Variants in PRKCH observed in about 807,000 individuals in gnomAD.
PRKCH encodes protein kinase C eta.
In PRKCH, 28 loss-of-function variants were observed where a neutral mutation model predicts 82.5. That is an observed-to-expected ratio of 0.34 (90% CI 0.25 to 0.47). PRKCH has a LOEUF of 0.47. Ranked by LOEUF, PRKCH falls within the 20% of genes least tolerant of loss-of-function variation. The probability of loss-of-function intolerance (pLI) is 1.00; values close to 1 mark genes in which losing one functional copy is unlikely to be tolerated. For missense variants in PRKCH, 705 were observed against 881.8 expected, an observed-to-expected ratio of 0.80 and a Z score of 2.54; for synonymous variants, 322 against 327.4, an observed-to-expected ratio of 0.98 and a Z score of 0.18.
intron 1 of PRKCH, among the ~76,000 whole-genome samples, chr14:61,239,753 C>A (rs1042936550): frequency 6.6e-6 from 1 of 152,186 alleles, no homozygotes; most frequent in Non-Finnish European, 1.5e-5. Flanking sequence ...ACACTGACTA[C>A]CTTCTTGGTA....
At chr14:61,343,652 T>C (rs921699372) in intron 1 of PRKCH, among the ~76,000 whole-genome samples, 2 of 152,172 alleles carry the variant, frequency 1.3e-5, no homozygotes, top group African/African-American at 4.8e-5. Flanking sequence ...ATATTTTGAG[T>C]AATAATTGAT....
chr14:61,389,870 C>G lies in PRKCH; in HGVS notation c.364-1355C>G, dbSNP rs2046649232. Among the ~76,000 whole-genome samples, 3 of 152,012 alleles carry G rather than the reference C, an allele frequency of 2.0e-5. No individual in the cohort carries two copies. The South Asian group carries it at 6.2e-4, about 32-fold the overall frequency. On this transcript the variant is annotated intron_variant, in intron 1 of 13. Transcript: ENST00000332981. ...AGTAGGGGGGCTCTTTCCACTGTAC[C>G]ATGTGACTATTTGCAGCTTATTTTA...
At position 61,488,323 on chromosome 14, in the gene PRKCH, T is replaced by C. The variant is rs12893475; in HGVS notation, c.1433+2667T>C. Among the ~76,000 whole-genome samples the C allele has an allele frequency of 6.1e-3, 926 of 152,202 alleles. 6 individuals are homozygous for C. The highest frequency in any genetic ancestry group is 0.011 in the Non-Finnish European group (744 of 67,990). ...GGGTGACAGAGCAAGACCCTGAGTG[T>C]CAATCAATCAATAAATCAATAAAAC... is the stretch of plus-strand genomic sequence containing the variant. On this transcript the variant is annotated intron_variant, in intron 10 of 13. Transcript: ENST00000332981.
rs1009304866 is a variant in PRKCH at position 61,385,208 on chromosome 14, C to T, written c.364-6017C>T. Among the ~76,000 whole-genome samples the T allele has an allele frequency of 5.3e-5, 8 of 150,734 alleles. 1 individual carries two copies. The highest frequency in any genetic ancestry group is 1.7e-4 in the African/African-American group (7 of 40,146). On this transcript the variant is annotated intron_variant, in intron 1 of 13. Coordinates refer to ENST00000332981, the MANE Select transcript of PRKCH (RefSeq NM_006255.5). Reference sequence around the variant, plus strand: ...GGGCTGCCCTAGACTCTGACCTCAGCTCTGTTCTATTAGACACTCTGTCAG... The same window carrying T: ...GGGCTGCCCTAGACTCTGACCTCAGTTCTGTTCTATTAGACACTCTGTCAG...
At chr14:61,234,803 C>T (rs1291976089) in intron 1 of PRKCH, among the ~76,000 whole-genome samples, 2 of 152,188 alleles carry the variant, frequency 1.3e-5, no homozygotes, top group African/African-American at 4.8e-5. Context: ...TGTCAAGACC[C>T]ATTCGTAGCC....
At chr14:61,345,577 C>T (rs1218433718) in intron 1 of PRKCH, among the ~76,000 whole-genome samples, 1 of 152,134 alleles carries the variant, frequency 6.6e-6, no homozygotes, top group Non-Finnish European at 1.5e-5. Context: ...AATAGAGTAG[C>T]AAGTGGGATA....
chr14:61,533,430 C>G (rs535240120), intron 12 of PRKCH, among the ~76,000 whole-genome samples: 1 of 151,128 alleles, frequency 6.6e-6, no homozygotes, highest in Non-Finnish European at 1.5e-5. Context: ...GGGACTGAGA[C>G]ATTTAAATAG....
chr14:61,248,784 GTA>G (rs1566794002), intron 1 of PRKCH, among the ~76,000 whole-genome samples: 135 of 90,862 alleles, frequency 1.5e-3, no homozygotes, highest in South Asian at 7.3e-3. Context: ...ATGTATGTAT[GTA>G]TGTATGTATG....
At chr14:61,236,041 G>A (rs946487646) in intron 1 of PRKCH, among the ~76,000 whole-genome samples, 5 of 152,102 alleles carry the variant, frequency 3.3e-5, no homozygotes, top group Non-Finnish European at 7.3e-5. Flanking sequence ...TAATTGACCA[G>A]CATTAATATT....
intron 1 of PRKCH, among the ~76,000 whole-genome samples, chr14:61,355,507 G>A (rs1476289830): frequency 6.6e-6 from 1 of 151,992 alleles, no homozygotes; most frequent in Non-Finnish European, 1.5e-5. Flanking sequence ...TTATATTTTA[G>A]TGTATCCCTT....
At chr14:61,204,098 C>T (rs1454254352) in intron 1 of PRKCH, among the ~76,000 whole-genome samples, 1 of 151,954 alleles carries the variant, frequency 6.6e-6, no homozygotes, top group Non-Finnish European at 1.5e-5. Flanking sequence ...GTTAATCTCA[C>T]TCCTTAAGTT....
Position 61,486,274 on chromosome 14 carries a change from T to C in PRKCH, c.1433+618T>C, listed in dbSNP as rs909562395. Among the ~76,000 whole-genome samples, 7 of 38,836 alleles carry C rather than the reference T, an allele frequency of 1.8e-4. No individual in the cohort carries two copies. The South Asian group carries it at 0.013, about 70-fold the overall frequency. The allele number at this position is 38,836 out of a possible 152,430, so 25.5% of individuals were successfully genotyped here. A position where few individuals can be genotyped will look rare whatever the true frequency, so the allele number is the denominator to read the frequency against. On this transcript the variant is annotated intron_variant, in intron 10 of 13. Coordinates refer to ENST00000332981, the MANE Select transcript of PRKCH (RefSeq NM_006255.5). ...CTACACCTTAACTAAAGGGTGTGGCTAACCTGCTCTAAGTTACAAGAATTA... is the reference window on the plus strand; with the variant it reads ...CTACACCTTAACTAAAGGGTGTGGCCAACCTGCTCTAAGTTACAAGAATTA...
chr14:61,530,889 G>A (rs1351659972), intron 12 of PRKCH, among the ~76,000 whole-genome samples: 1 of 152,188 alleles, frequency 6.6e-6, no homozygotes, highest in East Asian at 1.9e-4. Context: ...TTGAGGGCAG[G>A]TGATGTTTCC....
chr14:61,245,893 C>G (rs1336704303), intron 1 of PRKCH, among the ~76,000 whole-genome samples: 4 of 152,134 alleles, frequency 2.6e-5, no homozygotes, highest in Non-Finnish European at 5.9e-5. Context: ...GTGAGCAGAT[C>G]TGGGAGGATG....
chr14:61,234,915 GACAA>G (rs1169763155), intron 1 of PRKCH, among the ~76,000 whole-genome samples: 2 of 152,194 alleles, frequency 1.3e-5, no homozygotes, highest in Admixed American at 6.5e-5. Flanking sequence ...CTCTTTTGCT[GACAA>G]ACAGAGCAGT....
chr14:61,473,919 G>A (rs895275114), intron 9 of PRKCH, among the ~76,000 whole-genome samples: 1 of 151,958 alleles, frequency 6.6e-6, no homozygotes, highest in Non-Finnish European at 1.5e-5. Context: ...GCTTGCACCC[G>A]GGAGGCAAAG....
At chr14:61,463,819 T>A (rs7155948) in intron 9 of PRKCH, among the ~76,000 whole-genome samples, 147,153 of 152,336 alleles carry the variant, frequency 0.97, 71,279 homozygotes, top group East Asian at 1. Context: ...GAGATTAAGC[T>A]GCATTTGTCT....
upstream of PRKCH, among the ~76,000 whole-genome samples, chr14:61,318,826 T>G (rs1456852936): frequency 1.3e-5 from 2 of 152,164 alleles, no homozygotes; most frequent in Non-Finnish European, 2.9e-5. Flanking sequence ...AAAATGGGAC[T>G]ACAGGCACAT....
chr14:61,196,196 C>T (rs1050346035), intron 1 of PRKCH, among the ~76,000 whole-genome samples: 3 of 152,052 alleles, frequency 2.0e-5, no homozygotes, highest in South Asian at 2.1e-4. Flanking sequence ...GTGCCAGTGA[C>T]GACATCTATA....
Sources: allele counts gnomAD v4.1 joint callset (sites outside exome capture counted in the v4.1 genomes callset), GRCh38; gene constraint gnomAD v4.1.1; transcripts MANE v1.5; gene names NCBI Gene and HGNC (gene_info 2026-07-23, HGNC 2026-07-21).